The following STARD13 variants were observed in gnomAD, a reference collection of about 807,000 sequenced individuals.
STARD13 encodes StAR related lipid transfer domain containing 13.
In STARD13, 62 loss-of-function variants were observed where a neutral mutation model predicts 106.4. That is an observed-to-expected ratio of 0.58 (90% CI 0.48 to 0.72). The LOEUF is 0.72. STARD13 is among the 30% of genes least tolerant of loss of function. STARD13 has a pLI of 0.00. For synonymous variants in STARD13, 565 were observed against 553.0 expected (o/e 1.02, Z -0.31); for missense variants, 1,387 against 1,424.0 (o/e 0.97, Z 0.42).
the STARD13 span, among the ~76,000 whole-genome samples, chr13:33,460,430 G>A: frequency 2.6e-4 from 40 of 151,702 alleles, no homozygotes; most frequent in African/African-American, 8.2e-4. Context: ...GGCAGAGGTT[G>A]CAGTGAGCCG....
At position 33,129,461 on chromosome 13, in the gene STARD13, A is replaced by G. The variant is rs1381213595; in HGVS notation, c.1216T>C (p.Phe406Leu). Residue 406 changes from phenylalanine (F) to leucine (L), a missense_variant, in exon 5 of 14, where the codon TTC becomes CTC. Phe to Leu is a conservative substitution (Grantham distance 22). Coordinates refer to ENST00000336934, the MANE Select transcript of STARD13 (RefSeq NM_178006.4). ...HIPKDHKPGT[F>L]PKALSIESLS... The stretch of plus-strand genomic sequence containing the variant: ...CTTTCAATAGAAAGTGCCTTGGGGA[A>G]TGTTCCTGGTTTGTGATCCTTGGGA... 1.2e-6 allele frequency: 2 copies of G among 1,614,128 alleles called. No homozygotes were observed. The highest frequency in any genetic ancestry group is 8.5e-7 in the Non-Finnish European group (1 of 1,180,026).
At chr13:33,430,471 G>A in the STARD13 span, among the ~76,000 whole-genome samples, 4 of 152,278 alleles carry the variant, frequency 2.6e-5, no homozygotes, top group East Asian at 1.9e-4. Context: ...TTGTGTATAA[G>A]GTTGGTGGAA....
At chr13:33,625,756 C>T in the STARD13 span, among the ~76,000 whole-genome samples, 5 of 151,614 alleles carry the variant, frequency 3.3e-5, no homozygotes, top group Admixed American at 2.6e-4. Context: ...GGCTAGAATG[C>T]GGTGGCACCA....
Position 33,129,253 on chromosome 13 carries a change from A to T in STARD13, c.1424T>A (p.Leu475Ter). ...SHLYASTGDL[L>*]DLEKDDLFPH... is the part of the protein sequence containing the mutation. The stretch of plus-strand genomic sequence containing the variant: ...GAAAAGGTCATCTTTCTCCAAGTCC[A>T]AAAGATCTCCTGTGCTGGCATACAG... The change falls in exon 5 of 14, where the codon TTG becomes TAG. Residue 475 changes from leucine (L) to a stop codon, truncating the protein, a stop_gained. Coordinates refer to ENST00000336934, the MANE Select transcript of STARD13 (RefSeq NM_178006.4). LOFTEE classifies it high-confidence loss of function. The T allele has an allele frequency of 6.2e-7, 1 of 1,614,184 alleles. No homozygotes were observed. The highest frequency in any genetic ancestry group is 8.5e-7 in the Non-Finnish European group (1 of 1,180,020).
At chr13:33,539,119 G>C in the STARD13 span, among the ~76,000 whole-genome samples, 1 of 152,106 alleles carries the variant, frequency 6.6e-6, no homozygotes, top group Middle Eastern at 3.4e-3. Context: ...GAAAATTCTA[G>C]AACTAAAATA....
At chr13:33,298,719 C>G in intron 1 of STARD13, among the ~76,000 whole-genome samples, 1 of 152,054 alleles carries the variant, frequency 6.6e-6, no homozygotes, top group East Asian at 1.9e-4. Flanking sequence ...TTATTTGAGT[C>G]AACTAGATCA....
intron 3 of STARD13, 72 bp downstream of exon 3, chr13:33,165,265 C>G: frequency 8.7e-7 from 1 of 1,151,210 alleles, no homozygotes; most frequent in East Asian, 2.3e-5. Context: ...TAGCTGAGCT[C>G]GCCCTTCAGT....
the STARD13 span, among the ~76,000 whole-genome samples, chr13:33,445,047 A>G: frequency 6.6e-6 from 1 of 152,228 alleles, no homozygotes; most frequent in African/African-American, 2.4e-5. Flanking sequence ...CTAAGTAACC[A>G]TAAAAACATT....
chr13:33,230,142 G>A (rs1286360434), intron 1 of STARD13, among the ~76,000 whole-genome samples: 1 of 152,208 alleles, frequency 6.6e-6, no homozygotes, highest in Admixed American at 6.5e-5. Flanking sequence ...TGTAGCCATC[G>A]TTCTCCAGTG....
chr13:33,299,349 A>G (rs570286728), intron 1 of STARD13, among the ~76,000 whole-genome samples: 1 of 152,330 alleles, frequency 6.6e-6, no homozygotes, highest in Non-Finnish European at 1.5e-5. Flanking sequence ...AAATAACACA[A>G]TGGTGACACT....
intron 7 of STARD13, among the ~76,000 whole-genome samples, chr13:33,125,819 T>C (rs2138143540): frequency 6.6e-6 from 1 of 152,312 alleles, no homozygotes; most frequent in East Asian, 1.9e-4. Context: ...GATTGCAAAT[T>C]AGACATCCCA....
the STARD13 span, among the ~76,000 whole-genome samples, chr13:33,580,013 A>AT: frequency 2.0e-5 from 3 of 152,124 alleles, no homozygotes; most frequent in African/African-American, 7.2e-5. Flanking sequence ...AATTTCTCAC[A>AT]TAACTAAACA....
chr13:33,507,022 G>C, the STARD13 span, among the ~76,000 whole-genome samples: 1 of 152,124 alleles, frequency 6.6e-6, no homozygotes, highest in Non-Finnish European at 1.5e-5. Flanking sequence ...GATCGCTTGA[G>C]CTTGGGAGGT....
At chr13:33,619,562 T>A in the STARD13 span, among the ~76,000 whole-genome samples, 1 of 152,020 alleles carries the variant, frequency 6.6e-6, no homozygotes, top group Admixed American at 6.6e-5. Context: ...GAACATCCAC[T>A]AAAAAGATAG....
the STARD13 span, among the ~76,000 whole-genome samples, chr13:33,663,319 A>C: frequency 6.6e-6 from 1 of 152,320 alleles, no homozygotes; most frequent in East Asian, 1.9e-4. Context: ...AAAGATCCAA[A>C]AATATTATGG....
At chr13:33,477,310 A>C in the STARD13 span, among the ~76,000 whole-genome samples, 3 of 152,172 alleles carry the variant, frequency 2.0e-5, no homozygotes. Flanking sequence ...GTCTGGCCTA[A>C]AATGTTTACT....
At chr13:33,575,918 C>T in the STARD13 span, among the ~76,000 whole-genome samples, 2,422 of 151,824 alleles carry the variant, frequency 0.016, 58 homozygotes, top group African/African-American at 0.055. Context: ...ATGCCAGACA[C>T]TTGCCTAATA....
At chr13:33,315,909 T>C (rs755889385) in intron 1 of STARD13, among the ~76,000 whole-genome samples, 8 of 152,088 alleles carry the variant, frequency 5.3e-5, no homozygotes, top group Non-Finnish European at 1.0e-4. Context: ...GGAGCAGTGG[T>C]TGATGCTCCC....
At chr13:33,229,291 G>T (rs913077894) in intron 1 of STARD13, among the ~76,000 whole-genome samples, 1 of 152,156 alleles carries the variant, frequency 6.6e-6, no homozygotes, top group Admixed American at 6.5e-5. Context: ...GTTGAGATAC[G>T]GCCAGGACAC....
Sources: gnomAD v4.1 joint callset for allele counts (sites outside exome capture counted in the v4.1 genomes callset) on GRCh38, gnomAD v4.1.1 for gene constraint, MANE v1.5 for transcripts, NCBI Gene and HGNC (gene_info 2026-07-23, HGNC 2026-07-21) for gene names.